Variants in CDH18 observed in about 807,000 individuals in gnomAD.
CDH18 encodes the protein cadherin-18.
Under a neutral mutation model 67.9 loss-of-function variants are expected in CDH18, and 31 were observed. The observed-to-expected ratio is 0.46, with a 90% confidence interval of 0.34 to 0.62. The LOEUF (loss-of-function observed/expected upper bound fraction) is 0.62. CDH18 is among the 20% of genes least tolerant of loss of function. The pLI, the probability that CDH18 is intolerant of heterozygous loss-of-function variation, is 0.01. For synonymous variants in CDH18, 362 were observed against 347.2 expected (o/e 1.04, Z -0.48); for missense variants, 890 against 975.5 (o/e 0.91, Z 1.17).
chr5:20,134,256 G>T (rs1245596852), intron 2 of CDH18, among the ~76,000 whole-genome samples: 1 of 152,118 alleles, frequency 6.6e-6, no homozygotes, highest in African/African-American at 2.4e-5. Flanking sequence ...TATTACAGAT[G>T]TGAGTCACCA....
intron 1 of CDH18, among the ~76,000 whole-genome samples, chr5:20,501,751 GTGTGTA>G (rs1754343952): frequency 7.0e-6 from 1 of 142,464 alleles, no homozygotes; most frequent in Non-Finnish European, 1.5e-5. Context: ...GTGTGTGTGT[GTGTGTA>G]TACCTTTACA....
At chr5:19,635,189 T>A (rs1186687698) in intron 5 of CDH18, among the ~76,000 whole-genome samples, 1 of 152,108 alleles carries the variant, frequency 6.6e-6, no homozygotes. Context: ...TTGATGCTAG[T>A]TTTGCTTTTT....
chr5:19,686,996 T>C (rs1435208353), intron 5 of CDH18, among the ~76,000 whole-genome samples: 1 of 152,100 alleles, frequency 6.6e-6, no homozygotes, highest in African/African-American at 2.4e-5. Flanking sequence ...TCACTTTAAG[T>C]AGAGTATCTA....
At chr5:20,174,392 G>A (rs1490925758) in intron 2 of CDH18, among the ~76,000 whole-genome samples, 1 of 152,128 alleles carries the variant, frequency 6.6e-6, no homozygotes, top group Non-Finnish European at 1.5e-5. Flanking sequence ...GTGTTATTGA[G>A]CAACTGCTGT....
At chr5:20,559,656 T>C (rs1378613474) in intron 1 of CDH18, among the ~76,000 whole-genome samples, 1 of 152,052 alleles carries the variant, frequency 6.6e-6, no homozygotes, top group Non-Finnish European at 1.5e-5. Flanking sequence ...GTTTACATTT[T>C]AAACTAATAG....
At chr5:19,837,080 TA>T (rs1167381801) in intron 3 of CDH18, among the ~76,000 whole-genome samples, 2 of 152,124 alleles carry the variant, frequency 1.3e-5, no homozygotes, top group African/African-American at 2.4e-5. Context: ...TATGCAGCCA[TA>T]AAAAAGGATG....
chr5:19,613,851 T>C (rs1013281583), intron 5 of CDH18, among the ~76,000 whole-genome samples: 5 of 152,282 alleles, frequency 3.3e-5, no homozygotes, highest in African/African-American at 1.2e-4. Context: ...TATATATGTA[T>C]TTATATGTCC....
At chr5:20,540,716 A>G (rs1023350390) in intron 1 of CDH18, among the ~76,000 whole-genome samples, 4 of 152,232 alleles carry the variant, frequency 2.6e-5, no homozygotes, top group African/African-American at 4.8e-5. Flanking sequence ...TCAGATGTCA[A>G]CTACGAATAT....
chr5:19,802,512 A>C (rs984818619), intron 3 of CDH18, among the ~76,000 whole-genome samples: 1 of 152,234 alleles, frequency 6.6e-6, no homozygotes, highest in Non-Finnish European at 1.5e-5. Flanking sequence ...CAGATAAGAT[A>C]AAATAACAAA....
At chr5:19,826,886 T>A (rs970386892) in intron 3 of CDH18, among the ~76,000 whole-genome samples, 35 of 152,094 alleles carry the variant, frequency 2.3e-4, no homozygotes, top group African/African-American at 7.7e-4. Context: ...ATATCAATAT[T>A]AACCTCGAAT....
intron 1 of CDH18, among the ~76,000 whole-genome samples, chr5:20,256,801 T>G (rs1370275503): frequency 6.6e-6 from 1 of 151,960 alleles, no homozygotes; most frequent in East Asian, 1.9e-4. Context: ...TAGCTAGGAA[T>G]GAAATTTAAG....
chr5:19,997,287 A>G (rs1736094047), intron 2 of CDH18, among the ~76,000 whole-genome samples: 1 of 152,138 alleles, frequency 6.6e-6, no homozygotes, highest in Non-Finnish European at 1.5e-5. Flanking sequence ...AAATTTAAAA[A>G]TAGTTCCACA....
intron 1 of CDH18, among the ~76,000 whole-genome samples, chr5:20,262,938 G>A (rs1162210064): frequency 7.4e-6 from 1 of 135,364 alleles, no homozygotes; most frequent in East Asian, 2.4e-4. Flanking sequence ...AAGAGAGAAA[G>A]AGAAAAAGAA....
intron 1 of CDH18, among the ~76,000 whole-genome samples, chr5:20,460,586 A>G (rs1180747778): frequency 6.6e-6 from 1 of 150,710 alleles, no homozygotes; most frequent in East Asian, 1.9e-4. Context: ...AATAATATAT[A>G]TTTGCTTATA....
At chr5:19,791,994 AC>A (rs1192546890) in intron 3 of CDH18, among the ~76,000 whole-genome samples, 1 of 152,176 alleles carries the variant, frequency 6.6e-6, no homozygotes, top group Non-Finnish European at 1.5e-5. Flanking sequence ...ATTTCTTTTT[AC>A]CACATATGAT....
chr5:19,938,959 T>A (rs181430821), intron 2 of CDH18, among the ~76,000 whole-genome samples: 1 of 151,326 alleles, frequency 6.6e-6, no homozygotes, highest in Non-Finnish European at 1.5e-5. Context: ...CTTAAATACA[T>A]TTGGACCATT....
At chr5:20,196,007 T>C (rs1036226563) in intron 2 of CDH18, among the ~76,000 whole-genome samples, 3 of 152,150 alleles carry the variant, frequency 2.0e-5, no homozygotes, top group African/African-American at 7.2e-5. Context: ...TTTACCACTG[T>C]GGGAGAGATT....
In CDH18 at chr5:19,839,113, G is replaced by A. The variant is rs938165028; in HGVS notation, c.-127C>T. On this transcript the variant is annotated 5_prime_UTR_variant, in exon 3 of 13. Coordinates refer to ENST00000382275, the MANE Select transcript of CDH18 (RefSeq NM_004934.5). ...CAGTCCAAAGTAAATTGTTTAGCGT[G>A]TCCATGATTTAACTGTCCATCAGGG... 1 of 679,862 alleles carries A rather than the reference G, an allele frequency of 1.5e-6. No homozygotes were observed. The highest frequency in any genetic ancestry group is 1.8e-5 in the African/African-American group (1 of 55,600). The allele number at this position is 679,862 out of a possible 1,614,324, so 42.1% of individuals were successfully genotyped here.
chr5:20,216,593 T>A (rs1308070485), intron 2 of CDH18, among the ~76,000 whole-genome samples: 1 of 151,914 alleles, frequency 6.6e-6, no homozygotes, highest in Non-Finnish European at 1.5e-5. Flanking sequence ...TAATAACATA[T>A]GTCCAAGTTT....
Sources: gnomAD v4.1 joint callset for allele counts (sites outside exome capture counted in the v4.1 genomes callset) on GRCh38, gnomAD v4.1.1 for gene constraint, MANE v1.5 for transcripts, NCBI Gene and HGNC (gene_info 2026-07-23, HGNC 2026-07-21) for gene names.